Variants in MYOM1 observed in about 807,000 individuals in gnomAD.
MYOM1 encodes the protein myomesin-1.
Under a neutral mutation model 205.3 loss-of-function variants are expected in MYOM1, and 164 were observed. That is an observed-to-expected ratio of 0.80 (90% CI 0.70 to 0.91). The LOEUF (loss-of-function observed/expected upper bound fraction) is 0.91, where lower values mean the gene tolerates loss of function less well. Among genes scored for constraint, MYOM1 ranks in the 40% least tolerant of loss-of-function variants. The probability of loss-of-function intolerance (pLI) is 0.00; values close to 1 mark genes in which losing one functional copy is unlikely to be tolerated. For missense variants in MYOM1, 2,011 were observed against 2,127.3 expected, an observed-to-expected ratio of 0.95 and a Z score of 1.08; for synonymous variants, 772 against 789.4, an observed-to-expected ratio of 0.98 and a Z score of 0.37.
intron 14 of MYOM1, among the ~76,000 whole-genome samples, chr18:3,138,953 AC>A (rs1407427852): frequency 6.6e-6 from 1 of 152,054 alleles, no homozygotes; most frequent in Non-Finnish European, 1.5e-5. Context: ...CAAATTATAT[AC>A]CTTTCTATGC....
At chr18:3,168,617 C>T (rs956233195) in intron 9 of MYOM1, among the ~76,000 whole-genome samples, 200 bp downstream of exon 9, 17 of 152,194 alleles carry the variant, frequency 1.1e-4, no homozygotes, top group African/African-American at 4.1e-4. Flanking sequence ...ATTCTTTCCA[C>T]ATCTTACTTG....
chr18:3,175,312 T>C (rs1286373651), intron 6 of MYOM1, among the ~76,000 whole-genome samples: 3 of 152,184 alleles, frequency 2.0e-5, no homozygotes, highest in Non-Finnish European at 4.4e-5. Context: ...AAATTTCACC[T>C]TGACACTTAG....
intron 21 of MYOM1, among the ~76,000 whole-genome samples, chr18:3,113,128 A>G (rs1303256705): frequency 2.0e-5 from 3 of 151,850 alleles, no homozygotes; most frequent in African/African-American, 7.3e-5. Context: ...AGAGCTGTAA[A>G]AAAAAAGCAT....
intron 9 of MYOM1, 81 bp downstream of exon 9, chr18:3,168,736 C>G: frequency 6.8e-7 from 1 of 1,463,534 alleles, no homozygotes; most frequent in Non-Finnish European, 9.4e-7. Context: ...CCAGATTCCA[C>G]CAGCTCCGAT....
chr18:3,100,533 C>T, intron 23 of MYOM1, 107 bp from the exon 24 acceptor site: 1 of 749,684 alleles, frequency 1.3e-6, no homozygotes, highest in Non-Finnish European at 2.3e-6. Flanking sequence ...CATCTGGACA[C>T]CTCCTCTCAT....
intron 2 of MYOM1, among the ~76,000 whole-genome samples, chr18:3,197,012 C>G (rs1470074089): frequency 6.6e-6 from 1 of 152,214 alleles, no homozygotes; most frequent in Non-Finnish European, 1.5e-5. Flanking sequence ...AAAGCAAAGC[C>G]TGGAGAGTGT....
the MYOM1 span, among the ~76,000 whole-genome samples, chr18:3,236,778 T>C: frequency 6.6e-6 from 1 of 151,296 alleles, no homozygotes; most frequent in Non-Finnish European, 1.5e-5. Context: ...GCTATGAGAG[T>C]GGATGAGGTC....
At chr18:3,136,007 T>A (rs554276139) in intron 14 of MYOM1, among the ~76,000 whole-genome samples, 1 of 152,324 alleles carries the variant, frequency 6.6e-6, no homozygotes, top group South Asian at 2.1e-4. Flanking sequence ...AGGGACCTGG[T>A]GGGAGATAAT....
At chr18:3,231,372 C>T in the MYOM1 span, among the ~76,000 whole-genome samples, 1 of 151,992 alleles carries the variant, frequency 6.6e-6, no homozygotes, top group Admixed American at 6.6e-5. Context: ...AGATGGGTGG[C>T]AGGGAGCAAA....
At chr18:3,224,119 C>T (rs1484724406), upstream of MYOM1, among the ~76,000 whole-genome samples, 1 of 151,652 alleles carries the variant, frequency 6.6e-6, no homozygotes, top group African/African-American at 2.4e-5. Flanking sequence ...ACCTCCACCT[C>T]CCAGGTTCAA....
chr18:3,144,614 C>T (rs1481424830), intron 13 of MYOM1, among the ~76,000 whole-genome samples: 1 of 152,100 alleles, frequency 6.6e-6, no homozygotes, highest in Non-Finnish European at 1.5e-5. Flanking sequence ...TAAAGGCACA[C>T]ATAGGCTAAG....
intron 37 of MYOM1, among the ~76,000 whole-genome samples, chr18:3,070,570 T>C (rs2078947633): frequency 6.6e-6 from 1 of 152,206 alleles, no homozygotes; most frequent in African/African-American, 2.4e-5. Flanking sequence ...TTTGGCATCT[T>C]ATCTTACAGG....
At position 3,134,706 on chromosome 18, in the gene MYOM1, G is replaced by A. The variant is rs375174372; in HGVS notation, c.2328C>T (p.Ser776=). ...GCTCCCACTTGCCAGAGCCAGCAAC[G>A]CTCGCCTCTATGTAGTACCCGACCA... ...KELVGYYIEA[S]VAGSGKWEPC... The change falls in exon 16 of 38, where the codon AGC becomes AGT. Residue 776 remains serine, a synonymous_variant. Transcript: ENST00000356443. 4.3e-6 allele frequency: 7 copies of A among 1,613,770 alleles called. No individual in the cohort carries two copies. Among genetic ancestry groups the A allele is most frequent in the South Asian group, 2.2e-5 (2 of 91,080 alleles).
chr18:3,091,420 A>G (rs1250393084), intron 26 of MYOM1, among the ~76,000 whole-genome samples: 1 of 152,052 alleles, frequency 6.6e-6, no homozygotes, highest in Non-Finnish European at 1.5e-5. Context: ...TCAAGGCTAC[A>G]GTGAGCCATG....
At chr18:3,184,639 A>G (rs1453705695) in intron 5 of MYOM1, among the ~76,000 whole-genome samples, 1 of 152,214 alleles carries the variant, frequency 6.6e-6, no homozygotes, top group African/African-American at 2.4e-5. Flanking sequence ...ATCAGAGCTC[A>G]CTGAAGCCTT....
intron 4 of MYOM1, 30 bp from the exon 5 acceptor site, chr18:3,187,667 T>C: frequency 6.5e-7 from 1 of 1,546,120 alleles, no homozygotes; most frequent in Non-Finnish European, 8.8e-7. Context: ...AACAAACATA[T>C]TACCAAAATA....
intron 18 of MYOM1, among the ~76,000 whole-genome samples, chr18:3,127,639 G>T (rs1171166033): frequency 6.6e-6 from 1 of 151,994 alleles, no homozygotes. Flanking sequence ...CAAATGGTTA[G>T]CCTTTCACCA....
rs769335523 is a variant in MYOM1, at chr18:3,086,018, T to A, written c.4251+20A>T. 14 of 1,476,762 alleles carry A rather than the reference T, an allele frequency of 9.5e-6. No individual in the cohort carries two copies. The highest frequency in any genetic ancestry group is 1.2e-5 in the Non-Finnish European group (13 of 1,061,928). The allele number at this position is 1,476,762 out of a possible 1,614,324, so 91.5% of individuals were successfully genotyped here. On this transcript the variant is annotated intron_variant, in intron 30 of 37. Transcript: ENST00000356443. ...GGGTAGAGAGCTAATATATTACATTTTACATTTATAATCGCCTACCTCTGT... is the reference window on the plus strand; with the variant it reads ...GGGTAGAGAGCTAATATATTACATTATACATTTATAATCGCCTACCTCTGT...
intron 5 of MYOM1, among the ~76,000 whole-genome samples, chr18:3,176,821 G>A (rs2080647573): frequency 6.6e-6 from 1 of 152,126 alleles, no homozygotes; most frequent in African/African-American, 2.4e-5. Flanking sequence ...GGCGGAGGTT[G>A]CAGTGAGCTG....
Sources: allele counts gnomAD v4.1 joint callset (sites outside exome capture counted in the v4.1 genomes callset), GRCh38; gene constraint gnomAD v4.1.1; transcripts MANE v1.5; gene names NCBI Gene and HGNC (gene_info 2026-07-23, HGNC 2026-07-21).